OSBPL9: variants seen among roughly 807,000 people sequenced by gnomAD.
OSBPL9 encodes oxysterol-binding protein-related protein 9.
In OSBPL9, 40 loss-of-function variants were observed where a neutral mutation model predicts 106.6. The ratio of observed to expected loss-of-function variants is 0.38; its 90% confidence interval spans 0.29 to 0.49. OSBPL9 has a LOEUF of 0.49. Ranked by LOEUF, OSBPL9 falls within the 20% of genes least tolerant of loss-of-function variation. The probability of loss-of-function intolerance (pLI) is 0.97; values close to 1 mark genes in which losing one functional copy is unlikely to be tolerated. For missense variants in OSBPL9, 609 were observed against 887.2 expected (o/e 0.69, Z 3.98); for synonymous variants, 269 against 295.4 (o/e 0.91, Z 0.92).
rs1387163606 is a variant in OSBPL9 at position 51,772,592 on chromosome 1, T to C, written c.1052-13T>C. 2 of 1,592,878 alleles carry C rather than the reference T, an allele frequency of 1.3e-6. No homozygotes were observed. The highest frequency in any genetic ancestry group is 2.2e-5 in the South Asian group (2 of 90,620). On this transcript the variant is annotated splice_polypyrimidine_tract_variant and intron_variant, in intron 13 of 23. Transcript: ENST00000428468. ...AATTTAGCACCATTCTAATAAGATC[T>C]GCTTTATTTTAGACCTGTTTGATTC...
chr1:51,683,301 C>T (rs576288215), intron 3 of OSBPL9, among the ~76,000 whole-genome samples: 9 of 152,188 alleles, frequency 5.9e-5, no homozygotes, highest in African/African-American at 2.2e-4. Context: ...CTGCCTCGGC[C>T]TCCAGAGTAG....
In OSBPL9 at chr1:51,772,630, AGAT is replaced by A; in HGVS notation, c.1085_1087del (p.Asp362del). 1.2e-6 allele frequency: 2 copies of A among 1,614,140 alleles called. No homozygotes were observed. Among genetic ancestry groups the A allele is most frequent in the Non-Finnish European group, 8.5e-7 (1 of 1,179,952 alleles). On this transcript the variant is annotated inframe_deletion, in exon 14 of 24. Coordinates refer to ENST00000428468, the MANE Select transcript of OSBPL9 (RefSeq NM_024586.6). ...ACCTGTTTGATTCACATGATGACAG[AGAT>A]GATGATGCGGAGGCAGGGTCTGTGG... is the stretch of plus-strand genomic sequence containing the variant.
In OSBPL9 at chr1:51,578,085, C is replaced by T. The variant is rs143205086; in HGVS notation, c.-423+829C>T. Among the ~76,000 whole-genome samples the T allele has an allele frequency of 3.1e-4, 47 of 152,230 alleles. No individual in the cohort carries two copies. The East Asian group carries it at 8.3e-3, about 27-fold the overall frequency. Reference sequence around the variant, plus strand: ...TAAAATCTATAACTATTCTGCTGACCGTTGTGTGCCAGTATTTAGCACAGA... The same window carrying T: ...TAAAATCTATAACTATTCTGCTGACTGTTGTGTGCCAGTATTTAGCACAGA... On this transcript the variant is annotated intron_variant, in intron 1 of 25. Transcript: ENST00000371714.
intron 4 of OSBPL9, chr1:51,740,238 C>T (rs374850241): frequency 1.7e-5 from 25 of 1,499,268 alleles, no homozygotes; most frequent in Admixed American, 5.0e-5. Flanking sequence ...TAAGTATGCT[C>T]TATACTTCTT....
At chr1:51,590,521 G>C (rs1437732862) in intron 1 of OSBPL9, among the ~76,000 whole-genome samples, 1 of 151,008 alleles carries the variant, frequency 6.6e-6, no homozygotes, top group East Asian at 2.0e-4. Flanking sequence ...TCGGGAGGCT[G>C]AGGCAGGAGA....
chr1:51,720,051 T>A (rs1661786525), intron 4 of OSBPL9, among the ~76,000 whole-genome samples: 1 of 152,214 alleles, frequency 6.6e-6, no homozygotes, highest in South Asian at 2.1e-4. Context: ...GGCTTTGACT[T>A]CATATAGATA....
At chr1:51,645,098 A>G (rs1418304647) in intron 1 of OSBPL9, among the ~76,000 whole-genome samples, 1 of 152,210 alleles carries the variant, frequency 6.6e-6, no homozygotes, top group Non-Finnish European at 1.5e-5. Flanking sequence ...TGCGATAAAT[A>G]GGGCTCTCAC....
rs150754050 is a variant in OSBPL9, at chr1:51,778,823, T to C, written c.1256+1905T>C. On this transcript the variant is annotated intron_variant, in intron 15 of 23. Coordinates refer to ENST00000428468, the MANE Select transcript of OSBPL9 (RefSeq NM_024586.6). ...GCCTTTCTAAACACTACCCAACAATTGTATAACACAGAGTCTTTTCCAGGT... is the reference window on the plus strand; with the variant it reads ...GCCTTTCTAAACACTACCCAACAATCGTATAACACAGAGTCTTTTCCAGGT... Among the ~76,000 whole-genome samples the C allele has an allele frequency of 5.3e-5, 8 of 152,262 alleles. No homozygotes were observed. The East Asian group carries it at 1.5e-3, about 29-fold the overall frequency.
upstream of OSBPL9, among the ~76,000 whole-genome samples, chr1:51,576,929 T>C (rs1645187583): frequency 6.6e-6 from 1 of 152,176 alleles, no homozygotes; most frequent in South Asian, 2.1e-4. Context: ...TGAATGTATG[T>C]CCCCACCAAA....
intron 3 of OSBPL9, among the ~76,000 whole-genome samples, chr1:51,700,979 A>C (rs960375104): frequency 1.8e-4 from 27 of 151,058 alleles, no homozygotes; most frequent in African/African-American, 2.4e-5. Context: ...CCCTGTTGTC[A>C]CCTGGACTGG....
chr1:51,612,239 T>C (rs1643992973), upstream of OSBPL9, among the ~76,000 whole-genome samples: 1 of 152,096 alleles, frequency 6.6e-6, no homozygotes, highest in African/African-American at 2.4e-5. Flanking sequence ...TAAAACTCTC[T>C]TTGTCTTCTT....
chr1:51,687,997 C>G (rs940664067), intron 3 of OSBPL9, among the ~76,000 whole-genome samples: 1 of 152,000 alleles, frequency 6.6e-6, no homozygotes, highest in Non-Finnish European at 1.5e-5. Flanking sequence ...CTTTTACTTA[C>G]ACAGGGTACA....
intron 1 of OSBPL9, among the ~76,000 whole-genome samples, chr1:51,637,726 A>G (rs1645537845): frequency 6.6e-6 from 1 of 152,210 alleles, no homozygotes; most frequent in South Asian, 2.1e-4. Flanking sequence ...AAGAAATATA[A>G]CTTAAGAAGA....
At chr1:51,602,187 A>G (rs2148604008) in intron 2 of OSBPL9, among the ~76,000 whole-genome samples, 1 of 151,130 alleles carries the variant, frequency 6.6e-6, no homozygotes, top group East Asian at 2.0e-4. Flanking sequence ...TGCCCAGCTA[A>G]TGTTTTGTAT....
At chr1:51,776,224 G>A (rs1005765075) in intron 14 of OSBPL9, among the ~76,000 whole-genome samples, 1 of 152,008 alleles carries the variant, frequency 6.6e-6, no homozygotes, top group African/African-American at 2.4e-5. Flanking sequence ...AGTAGTGAGA[G>A]CGCGAGTGTG....
At chr1:51,644,444 C>A (rs1646018355) in intron 1 of OSBPL9, among the ~76,000 whole-genome samples, 1 of 152,140 alleles carries the variant, frequency 6.6e-6, no homozygotes, top group Non-Finnish European at 1.5e-5. Context: ...CTAGCTGCCT[C>A]AGCCTCCCTA....
At chr1:51,555,445 G>A in the OSBPL9 span, among the ~76,000 whole-genome samples, 1 of 152,030 alleles carries the variant, frequency 6.6e-6, no homozygotes, top group South Asian at 2.1e-4. Flanking sequence ...AGCTGAGATA[G>A]CGCCATTGCA....
upstream of OSBPL9, among the ~76,000 whole-genome samples, chr1:51,616,047 C>T (rs889313140): frequency 2.4e-5 from 3 of 125,544 alleles, no homozygotes; most frequent in Non-Finnish European, 4.7e-5. Flanking sequence ...GAGAATTTGG[C>T]TCTGTCACCC....
intron 12 of OSBPL9, among the ~76,000 whole-genome samples, chr1:51,771,438 TGGGCAAC>T (rs1673865019): frequency 2.0e-5 from 3 of 152,172 alleles, no homozygotes; most frequent in Non-Finnish European, 4.4e-5. Flanking sequence ...GAGTCCATCC[TGGGCAAC>T]ATAAGGAGAC....
Sources: allele counts gnomAD v4.1 joint callset (sites outside exome capture counted in the v4.1 genomes callset), GRCh38; gene constraint gnomAD v4.1.1; transcripts MANE v1.5; gene names NCBI Gene and HGNC (gene_info 2026-07-23, HGNC 2026-07-21).